Variants in DAB2IP observed in about 807,000 individuals in gnomAD.
DAB2IP encodes the protein disabled homolog 2-interacting protein.
In DAB2IP, 28 loss-of-function variants were observed where a neutral mutation model predicts 107.2. That is an observed-to-expected ratio of 0.26 (90% CI 0.19 to 0.36). The LOEUF is 0.36. Ranked by LOEUF, DAB2IP falls within the 10% of genes least tolerant of loss-of-function variation. DAB2IP has a pLI of 1.00. For synonymous variants in DAB2IP, 755 were observed against 706.4 expected, an observed-to-expected ratio of 1.07 and a Z score of -1.09; for missense variants, 1,400 against 1,644.7, an observed-to-expected ratio of 0.85 and a Z score of 2.57.
chr9:121,772,480 C>A lies in DAB2IP; in HGVS notation c.2079-127C>A. On this transcript the variant is annotated intron_variant, in intron 11 of 15. Coordinates refer to ENST00000408936, the Ensembl canonical transcript of DAB2IP. This position sits in a 1 kb window ranked among gnomAD's most constrained non-coding sequence, Gnocchi z 4.7. ...TCCTGCCACCCCAGCGCATCCATCTCCCCAGCGCTGGCTCAGGCTGCCAGG... is the reference window on the plus strand; with the variant it reads ...TCCTGCCACCCCAGCGCATCCATCTACCCAGCGCTGGCTCAGGCTGCCAGG... The A allele has an allele frequency of 2.9e-6, 3 of 1,027,576 alleles. No individual in the cohort carries two copies. Among genetic ancestry groups the A allele is most frequent in the Non-Finnish European group, 4.3e-6 (3 of 692,384 alleles). The allele number at this position is 1,027,576 out of a possible 1,614,324, so 63.7% of individuals were successfully genotyped here.
At chr9:121,618,463 C>T (rs939871762) in intron 1 of DAB2IP, among the ~76,000 whole-genome samples, 6 of 151,988 alleles carry the variant, frequency 3.9e-5, no homozygotes, top group African/African-American at 1.5e-4. Flanking sequence ...CAGGTTTAAG[C>T]GGTTCTCCTG....
intron 3 of DAB2IP, among the ~76,000 whole-genome samples, chr9:121,735,136 G>T (rs946738767): frequency 6.6e-6 from 1 of 152,236 alleles, no homozygotes; most frequent in Non-Finnish European, 1.5e-5. Flanking sequence ...GAAGGAAGGG[G>T]ACAGGACACT....
chr9:121,735,400 G>T (rs1831825202), intron 3 of DAB2IP, among the ~76,000 whole-genome samples: 2 of 152,230 alleles, frequency 1.3e-5, no homozygotes, highest in African/African-American at 4.8e-5. Flanking sequence ...ACCCCAGACA[G>T]TATCCTGCCT....
At chr9:121,718,097 G>A (rs1412311032) in intron 3 of DAB2IP, among the ~76,000 whole-genome samples, 3 of 152,196 alleles carry the variant, frequency 2.0e-5, no homozygotes, top group African/African-American at 4.8e-5. Context: ...TGGTGGCCCA[G>A]GAGAGAGCGA....
At chr9:121,766,726 G>A in exon 9 of DAB2IP, 1 of 1,613,882 alleles carries the variant, frequency 6.2e-7, no homozygotes, top group Non-Finnish European at 8.5e-7. Flanking sequence ...GGCCAACTTT[G>A]CCAAGTGAGT....
intron 3 of DAB2IP, chr9:121,742,650 G>A: frequency 1.2e-6 from 1 of 804,646 alleles, no homozygotes; most frequent in Non-Finnish European, 1.5e-6. Context: ...CAGTGGAAGG[G>A]CCTCGGCCAG....
At chr9:121,688,834 G>A (rs995910464) in intron 2 of DAB2IP, among the ~76,000 whole-genome samples, 2 of 152,184 alleles carry the variant, frequency 1.3e-5, no homozygotes, top group African/African-American at 4.8e-5. Flanking sequence ...TAAGCGCAGG[G>A]TGAGCAGGGA....
intron 3 of DAB2IP, among the ~76,000 whole-genome samples, chr9:121,710,497 C>T (rs913056465): frequency 2.6e-5 from 4 of 152,104 alleles, no homozygotes; most frequent in African/African-American, 7.2e-5. Context: ...TCTGTGGCTC[C>T]CCCAGGGTTC....
chr9:121,687,957 G>A (rs190307211), intron 2 of DAB2IP, among the ~76,000 whole-genome samples: 118 of 152,294 alleles, frequency 7.7e-4, no homozygotes, highest in African/African-American at 2.6e-3. Flanking sequence ...GGCTTGCAGG[G>A]ACAGAGCTGA....
exon 16 of DAB2IP, chr9:121,783,787 C>T (rs925734113): frequency 4.4e-5 from 26 of 592,998 alleles, no homozygotes; most frequent in African/African-American, 2.6e-4. Context: ...CGGTTTTCCT[C>T]AGCTCTAGGC....
chr9:121,739,405 G>A (rs1447204458), intron 3 of DAB2IP, among the ~76,000 whole-genome samples: 3 of 152,240 alleles, frequency 2.0e-5, no homozygotes, highest in Admixed American at 2.0e-4. Flanking sequence ...ATTCAGTGCA[G>A]TGGGGAGTAA....
chr9:121,763,588 C>T (rs905060315), exon 7 of DAB2IP: 1 of 1,613,908 alleles, frequency 6.2e-7, no homozygotes, highest in South Asian at 1.1e-5. Flanking sequence ...ACACACTGGC[C>T]ACCAAGGCCA....
chr9:121,765,301 C>T (rs1025317820), intron 8 of DAB2IP, among the ~76,000 whole-genome samples: 9 of 152,224 alleles, frequency 5.9e-5, no homozygotes, highest in African/African-American at 2.2e-4. Context: ...ATCAGAGGCA[C>T]CTCTCCATTC....
At chr9:121,750,367 T>C (rs1466835179) in intron 3 of DAB2IP, among the ~76,000 whole-genome samples, 1 of 152,208 alleles carries the variant, frequency 6.6e-6, no homozygotes, top group East Asian at 1.9e-4. Flanking sequence ...CCCACTGCAC[T>C]GCCTGCCTTT....
At chr9:121,783,793 T>C in exon 16 of DAB2IP, 1 of 584,276 alleles carries the variant, frequency 1.7e-6, no homozygotes, top group East Asian at 2.9e-5. Flanking sequence ...TCCTCAGCTC[T>C]AGGCTGTTCT....
intron 2 of DAB2IP, among the ~76,000 whole-genome samples, chr9:121,689,799 G>T (rs866466724): frequency 6.6e-6 from 1 of 152,222 alleles, no homozygotes; most frequent in Non-Finnish European, 1.5e-5. Flanking sequence ...CACCAGGGAG[G>T]CACAACAAAG....
Position 121,699,429 on chromosome 9 carries a change from C to CGCG in DAB2IP, c.335_336insGGC (p.Ala117dup). On this transcript the variant is annotated inframe_insertion, in exon 3 of 16. Coordinates refer to ENST00000408936, the Ensembl canonical transcript of DAB2IP. This position sits in a 1 kb window ranked among gnomAD's most constrained non-coding sequence, Gnocchi z 6.2. ...GCCACATCCTGCCGGGGTTCCGGAG[C>CGCG]GCCGCCGCCGCCGCCGCGGACAATG... 7.2e-7 allele frequency: 1 copy of CGCG among 1,397,420 alleles called. No individual in the cohort carries two copies. Among genetic ancestry groups the CGCG allele is most frequent in the Non-Finnish European group, 9.4e-7 (1 of 1,060,366 alleles). The allele number at this position is 1,397,420 out of a possible 1,614,324, so 86.6% of individuals were successfully genotyped here.
chr9:121,659,718 C>T lies in DAB2IP; in HGVS notation c.124+7819C>T, dbSNP rs553147475. Among the ~76,000 whole-genome samples the T allele has an allele frequency of 3.8e-4, 58 of 152,084 alleles. No individual in the cohort carries two copies. In the East Asian group the frequency reaches 4.1e-3, roughly 11 times the overall value. On this transcript the variant is annotated intron_variant, in intron 1 of 15. Transcript: ENST00000408936. The stretch of plus-strand genomic sequence containing the variant: ...CTGAGGCAGGAGAATGGCATGAACC[C>T]GGGAGGCTGAGCTTGCAGTGAGCCG...
chr9:121,742,442 T>C (rs1832420501), intron 3 of DAB2IP, among the ~76,000 whole-genome samples: 2 of 151,986 alleles, frequency 1.3e-5, no homozygotes, highest in Admixed American at 1.3e-4. Flanking sequence ...AAAAAGAAGA[T>C]AGCCACACAG....
Sources: gnomAD v4.1 joint callset for allele counts (sites outside exome capture counted in the v4.1 genomes callset) on GRCh38, gnomAD v4.1.1 for gene constraint, Gnocchi (gnomAD v3.1) non-coding constraint, MANE v1.5 for transcripts, NCBI Gene and HGNC (gene_info 2026-07-23, HGNC 2026-07-21) for gene names.